The following CFAP77 variants were observed in gnomAD, a reference collection of about 807,000 sequenced individuals.
CFAP77 encodes the protein cilia and flagella associated protein 77.
CFAP77 carries 25 observed loss-of-function variants against 31.1 expected under a neutral mutation model. The ratio of observed to expected loss-of-function variants is 0.80; its 90% confidence interval spans 0.59 to 1.12. The LOEUF is 1.12. Among genes scored for constraint, CFAP77 ranks in the 50% most tolerant of loss-of-function variants. CFAP77 has a pLI of 0.00. For synonymous variants in CFAP77, 151 were observed against 159.9 expected (o/e 0.94, Z 0.42); for missense variants, 377 against 397.3 (o/e 0.95, Z 0.44).
chr9:132,509,692 C>CT (rs1851998462), intron 3 of CFAP77, among the ~76,000 whole-genome samples: 1 of 152,142 alleles, frequency 6.6e-6, no homozygotes, highest in Non-Finnish European at 1.5e-5. Flanking sequence ...TCACTTGAAC[C>CT]CGGGAGGTCG....
intron 5 of CFAP77, among the ~76,000 whole-genome samples, chr9:132,568,685 C>A (rs1242561608): frequency 1.3e-5 from 2 of 152,046 alleles, no homozygotes; most frequent in Admixed American, 1.3e-4. Context: ...AAAAAACCAA[C>A]TGGGCATGAG....
In CFAP77 at chr9:132,450,701, T is replaced by C. The variant is rs141474313; in HGVS notation, c.195+40235T>C. Among the ~76,000 whole-genome samples, 8 of 152,314 alleles carry C rather than the reference T, an allele frequency of 5.3e-5. No homozygotes were observed. The East Asian group carries it at 1.5e-3, about 29-fold the overall frequency. On this transcript the variant is annotated intron_variant, in intron 1 of 5. Transcript: ENST00000393216. ...CACCAGGAAATTTTGGTTCTGATAC[T>C]GTAGGCCATGAGATGCCTTTAAAGA...
chr9:132,511,841 G>A lies in CFAP77; in HGVS notation c.524+12241G>A, dbSNP rs1259444567. Among the ~76,000 whole-genome samples, 1 of 152,156 alleles carries A rather than the reference G, an allele frequency of 6.6e-6. No homozygotes were observed. The highest frequency in any genetic ancestry group is 6.5e-5 in the Admixed American group (1 of 15,284). ...GAGGCTGAGGCGGGCGGATCACGAG[G>A]TCAGGAGTTCGACACCAGCCTGACC... On this transcript the variant is annotated intron_variant, in intron 3 of 5. Transcript: ENST00000393216. The surrounding 1 kb of genome is among the most constrained non-coding windows in gnomAD (Gnocchi z 5.8).
chr9:132,437,257 C>G (rs929791425), intron 1 of CFAP77, among the ~76,000 whole-genome samples: 1 of 152,170 alleles, frequency 6.6e-6, no homozygotes, highest in African/African-American at 2.4e-5. Context: ...TATAACCTTA[C>G]TCTGCAATTG....
intron 5 of CFAP77, among the ~76,000 whole-genome samples, chr9:132,548,764 A>G (rs1852777533): frequency 6.7e-6 from 1 of 149,912 alleles, no homozygotes; most frequent in African/African-American, 2.5e-5. Flanking sequence ...TACACTTCCA[A>G]TACCCACCAA....
intron 1 of CFAP77, among the ~76,000 whole-genome samples, chr9:132,451,821 T>TTC (rs1437452320): frequency 1.3e-5 from 2 of 150,604 alleles, no homozygotes; most frequent in African/African-American, 2.5e-5. Context: ...TTTTTTTTTT[T>TTC]CCAGAAGGAG....
At chr9:132,506,601 G>A (rs1851934647) in intron 3 of CFAP77, among the ~76,000 whole-genome samples, 1 of 151,926 alleles carries the variant, frequency 6.6e-6, no homozygotes, top group Non-Finnish European at 1.5e-5. Context: ...CAACCAGCAA[G>A]CAGCCCCTTG....
At chr9:132,482,326 C>A (rs749789243) in intron 1 of CFAP77, 3 of 1,613,548 alleles carry the variant, frequency 1.9e-6, no homozygotes, top group African/African-American at 1.3e-5. Flanking sequence ...GGCCCGGCCT[C>A]GGTGGGAACC....
At chr9:132,484,025 C>T (rs1467637195) in intron 1 of CFAP77, among the ~76,000 whole-genome samples, 1 of 151,666 alleles carries the variant, frequency 6.6e-6, no homozygotes, top group Non-Finnish European at 1.5e-5. Flanking sequence ...AAACCTCCAC[C>T]TCCTAGGTTC....
At chr9:132,559,245 C>T (rs1264679073) in intron 5 of CFAP77, among the ~76,000 whole-genome samples, 3 of 145,782 alleles carry the variant, frequency 2.1e-5, no homozygotes, top group Non-Finnish European at 3.0e-5. Context: ...CTCGGGAGGC[C>T]GAGGCAGAAG....
intron 1 of CFAP77, among the ~76,000 whole-genome samples, chr9:132,427,123 A>G (rs895365154): frequency 6.6e-6 from 1 of 152,254 alleles, no homozygotes; most frequent in Non-Finnish European, 1.5e-5. Flanking sequence ...ACATTTTAAG[A>G]CACAGGTGGG....
At chr9:132,439,803 C>G (rs1475357868) in intron 1 of CFAP77, among the ~76,000 whole-genome samples, 1 of 145,202 alleles carries the variant, frequency 6.9e-6, no homozygotes, top group East Asian at 2.1e-4. Context: ...GAGCCGAGAT[C>G]GTGCCACTGC....
In CFAP77 at chr9:132,539,838, A is replaced by T. The variant is rs1274071044; in HGVS notation, c.630+2132A>T. 6.6e-6 allele frequency among the ~76,000 whole-genome samples: 1 copy of T among 152,190 alleles called. No homozygotes were observed. Among genetic ancestry groups the T allele is most frequent in the Non-Finnish European group, 1.5e-5 (1 of 68,030 alleles). ...AAGCAAGAGTCCACTTGCTGTGGTG[A>T]TGGCCGATTTCAGAGGGAGCATTAC... On this transcript the variant is annotated intron_variant, in intron 4 of 5. Transcript: ENST00000393216. This position sits in a 1 kb window ranked among gnomAD's most constrained non-coding sequence, Gnocchi z 4.3.
intron 1 of CFAP77, among the ~76,000 whole-genome samples, chr9:132,474,678 T>G (rs115452650): frequency 1.2e-3 from 182 of 152,262 alleles, no homozygotes; most frequent in African/African-American, 4.1e-3. Flanking sequence ...TACCAAGTTA[T>G]TGACCAACAG....
chr9:132,540,457 GC>G (rs1852621519), intron 4 of CFAP77, among the ~76,000 whole-genome samples: 1 of 152,140 alleles, frequency 6.6e-6, no homozygotes, highest in African/African-American at 2.4e-5. Context: ...ATTAAACAAG[GC>G]CCCACCATAC....
At position 132,495,933 on chromosome 9, in the gene CFAP77, G is replaced by T. The variant is rs934177969; in HGVS notation, c.196-2762G>T. ...TGGGTCTGTTGGTGTCTAGATCTTG[G>T]ACTTCCCAGCCTCCAGAACTTTGAG... On this transcript the variant is annotated intron_variant, in intron 1 of 5. Transcript: ENST00000393216. The surrounding 1 kb of genome is among the most constrained non-coding windows in gnomAD (Gnocchi z 4.2). 2.0e-5 allele frequency among the ~76,000 whole-genome samples: 3 copies of T among 152,296 alleles called. No individual in the cohort carries two copies. Among genetic ancestry groups the T allele is most frequent in the Non-Finnish European group, 2.9e-5 (2 of 68,026 alleles).
rs1851841036 is a variant in CFAP77 at position 132,501,439 on chromosome 9, C to G, written c.524+1839C>G. On this transcript the variant is annotated intron_variant, in intron 3 of 5. Transcript: ENST00000393216. The surrounding 1 kb of genome is among the most constrained non-coding windows in gnomAD (Gnocchi z 4.6). ...TTTTGGACAGTGTCTCTGTCTGTCC[C>G]CCAGGCTGGAGTGCAGTGGCGCAGT... is the stretch of plus-strand genomic sequence containing the variant. 6.6e-6 allele frequency among the ~76,000 whole-genome samples: 1 copy of G among 151,724 alleles called. No homozygotes were observed. The highest frequency in any genetic ancestry group is 1.5e-5 in the Non-Finnish European group (1 of 67,950).
In CFAP77 at chr9:132,564,081, A is replaced by G. The variant is rs978150601; in HGVS notation, c.733-8307A>G. ...CAGAACCTTGTACTTCTTTTAATAC[A>G]CAATTCTAATTGAAGAATTCGTTGT... On this transcript the variant is annotated intron_variant, in intron 5 of 5. Coordinates refer to ENST00000393216, the MANE Select transcript of CFAP77 (RefSeq NM_001282957.2). This position sits in a 1 kb window ranked among gnomAD's most constrained non-coding sequence, Gnocchi z 4.6. Among the ~76,000 whole-genome samples, 1 of 152,212 alleles carries G rather than the reference A, an allele frequency of 6.6e-6. No homozygotes were observed. Among genetic ancestry groups the G allele is most frequent in the African/African-American group, 2.4e-5 (1 of 41,444 alleles).
At chr9:132,433,690 G>A (rs201256976) in intron 1 of CFAP77, among the ~76,000 whole-genome samples, 61 of 152,148 alleles carry the variant, frequency 4.0e-4, no homozygotes, top group Middle Eastern at 3.4e-3. Context: ...TGGGATTACA[G>A]GTGTGAGCCA....
Sources: gnomAD v4.1 joint callset for allele counts (sites outside exome capture counted in the v4.1 genomes callset) on GRCh38, gnomAD v4.1.1 for gene constraint, Gnocchi (gnomAD v3.1) non-coding constraint, MANE v1.5 for transcripts, NCBI Gene and HGNC (gene_info 2026-07-23, HGNC 2026-07-21) for gene names.